GLI3: variants seen among roughly 807,000 people sequenced by gnomAD.
GLI3 encodes the protein transcription activator GLI3.
In GLI3, 20 loss-of-function variants were observed where a neutral mutation model predicts 100.8. That is an observed-to-expected ratio of 0.20 (90% CI 0.14 to 0.29). GLI3 has a LOEUF of 0.29. Ranked by LOEUF, GLI3 falls within the 10% of genes least tolerant of loss-of-function variation. The pLI, the probability that GLI3 is intolerant of heterozygous loss-of-function variation, is 1.00. For missense variants in GLI3, 2,040 were observed against 2,128.5 expected, an observed-to-expected ratio of 0.96 and a Z score of 0.82; for synonymous variants, 938 against 860.5, an observed-to-expected ratio of 1.09 and a Z score of -1.58.
chr7:42,244,307 G>GA (rs201725452), intron 1 of GLI3, among the ~76,000 whole-genome samples: 3 of 151,918 alleles, frequency 2.0e-5, no homozygotes, highest in Non-Finnish European at 2.9e-5. Context: ...AAATAACAAT[G>GA]AAAAAAAATT....
intron 4 of GLI3, among the ~76,000 whole-genome samples, chr7:42,076,494 C>G (rs2128751646): frequency 6.6e-6 from 1 of 152,276 alleles, no homozygotes; most frequent in South Asian, 2.1e-4. Context: ...TTAGTATTTA[C>G]AGCCCACAGA....
chr7:42,131,734 G>C (rs1232862279), intron 3 of GLI3, among the ~76,000 whole-genome samples: 1 of 152,128 alleles, frequency 6.6e-6, no homozygotes, highest in Admixed American at 6.5e-5. Flanking sequence ...TACTCGTTTT[G>C]CTATGAAAAG....
intron 10 of GLI3, among the ~76,000 whole-genome samples, chr7:42,015,875 C>T (rs1362428560): frequency 6.6e-6 from 1 of 152,012 alleles, no homozygotes; most frequent in African/African-American, 2.4e-5. Flanking sequence ...TTTCTTTAAT[C>T]ACAATTTTTT....
intron 2 of GLI3, among the ~76,000 whole-genome samples, chr7:42,170,266 T>A (rs201114664): frequency 8.9e-4 from 123 of 137,670 alleles, no homozygotes; most frequent in African/African-American, 2.4e-3. Flanking sequence ...AAAAAAAAAA[T>A]TATATATATA....
intron 3 of GLI3, among the ~76,000 whole-genome samples, chr7:42,077,599 G>C (rs1280636365): frequency 1.3e-5 from 2 of 151,918 alleles, no homozygotes; most frequent in East Asian, 3.9e-4. Flanking sequence ...GCCCTCTCCT[G>C]CTTCCACCTT....
intron 2 of GLI3, among the ~76,000 whole-genome samples, chr7:42,182,745 CAG>C (rs1554337133): frequency 7.8e-6 from 1 of 128,782 alleles, no homozygotes; most frequent in Non-Finnish European, 1.6e-5. Context: ...CACACACACA[CAG>C]AGGAATTTTT....
Position 41,966,533 on chromosome 7 carries a change from C to T in GLI3, c.2540G>A (p.Arg847Lys), listed in dbSNP as rs143406263. Residue 847 changes from arginine (R) to lysine (K), a missense_variant, in exon 15 of 15, where the codon AGG (arginine) becomes AAG (lysine). By Grantham distance (26) the Arg-to-Lys change is conservative. Transcript: ENST00000395925. The surrounding 1 kb of genome is among the most constrained non-coding windows in gnomAD (Gnocchi z 5.8). ...GCTGATGGTGCTGGCGCTGCTGTCC[C>T]TTCTGTTGAGCATGTTCAGCATAGT... ...DVTMLNMLNRRDSSASTISSA... is the reference protein window; with the variant it reads ...DVTMLNMLNRKDSSASTISSA... The T allele has an allele frequency of 7.4e-6, 12 of 1,613,834 alleles. No homozygotes were observed. In the African/African-American group the frequency reaches 1.5e-4, roughly 20 times the overall value.
chr7:41,980,596 AAAGG>A (rs1468351659), intron 10 of GLI3, among the ~76,000 whole-genome samples: 1 of 152,266 alleles, frequency 6.6e-6, no homozygotes, highest in South Asian at 2.1e-4. Context: ...GGGAAAGAAA[AAAGG>A]AAGGAAGGGA....
intron 12 of GLI3, among the ~76,000 whole-genome samples, chr7:41,975,707 A>G (rs1158545107): frequency 1.3e-5 from 2 of 152,196 alleles, no homozygotes; most frequent in African/African-American, 4.8e-5. Flanking sequence ...ACAGACATGT[A>G]CAAATATTTT....
At chr7:42,054,819 A>G (rs1444090642) in intron 4 of GLI3, among the ~76,000 whole-genome samples, 1 of 151,714 alleles carries the variant, frequency 6.6e-6, no homozygotes, top group Non-Finnish European at 1.5e-5. Context: ...CCTCATCTCT[A>G]GAAAAATAAA....
chr7:42,069,734 G>A (rs1784748786), intron 4 of GLI3, among the ~76,000 whole-genome samples: 1 of 152,170 alleles, frequency 6.6e-6, no homozygotes, highest in African/African-American at 2.4e-5. Flanking sequence ...AGGCATTCCA[G>A]GTCATATTCT....
chr7:42,074,392 T>C (rs536618159), intron 4 of GLI3, among the ~76,000 whole-genome samples: 52 of 152,216 alleles, frequency 3.4e-4, no homozygotes, highest in Non-Finnish European at 7.1e-4. Context: ...GAGCACCTTT[T>C]ACAAAGTGCC....
chr7:41,977,914 G>A (rs1468655466), intron 11 of GLI3, 192 bp from the exon 12 acceptor site: 1 of 618,856 alleles, frequency 1.6e-6, no homozygotes, highest in South Asian at 1.9e-5. Context: ...CAGATAAAGA[G>A]TTTTCAGTGC....
At chr7:42,219,889 T>C (rs1048738081) in intron 2 of GLI3, among the ~76,000 whole-genome samples, 4 of 151,322 alleles carry the variant, frequency 2.6e-5, no homozygotes, top group African/African-American at 9.7e-5. Context: ...AGTCTCGTTC[T>C]GTCGCCCAGG....
At chr7:42,194,975 C>T (rs1351258307) in intron 2 of GLI3, among the ~76,000 whole-genome samples, 2 of 152,012 alleles carry the variant, frequency 1.3e-5, no homozygotes, top group Non-Finnish European at 2.9e-5. Flanking sequence ...CCATGTTGGT[C>T]AGGGTGTTCT....
intron 4 of GLI3, among the ~76,000 whole-genome samples, chr7:42,073,116 A>G (rs1317943289): frequency 6.6e-6 from 1 of 152,246 alleles, no homozygotes; most frequent in Non-Finnish European, 1.5e-5. Flanking sequence ...TACTACTTAT[A>G]TTCCAGGTCC....
At chr7:41,992,123 A>C (rs1788003093) in intron 10 of GLI3, among the ~76,000 whole-genome samples, 1 of 152,236 alleles carries the variant, frequency 6.6e-6, no homozygotes. Flanking sequence ...TCATAGAGGC[A>C]CTAAGCAAAG....
chr7:42,007,902 T>TA (rs369612424), intron 10 of GLI3, among the ~76,000 whole-genome samples: 2,015 of 150,804 alleles, frequency 0.013, 37 homozygotes, highest in African/African-American at 0.047. Flanking sequence ...TGTTTTATAA[T>TA]AAAAAAATTA....
chr7:42,210,820 G>T (rs565049331), intron 2 of GLI3, among the ~76,000 whole-genome samples: 23 of 151,930 alleles, frequency 1.5e-4, no homozygotes, highest in Non-Finnish European at 5.9e-5. Context: ...CAATAGGTAC[G>T]TGTAGGACCA....
Sources: allele counts gnomAD v4.1 joint callset (sites outside exome capture counted in the v4.1 genomes callset), GRCh38; gene constraint gnomAD v4.1.1; non-coding constraint Gnocchi (gnomAD v3.1); transcripts MANE v1.5; gene names NCBI Gene and HGNC (gene_info 2026-07-23, HGNC 2026-07-21).